RARB: variants seen among roughly 807,000 people sequenced by gnomAD.
The protein encoded by RARB is retinoic acid receptor beta, also known as HBV-activated protein.
Under a neutral mutation model 51.9 loss-of-function variants are expected in RARB, and 17 were observed. The observed-to-expected ratio is 0.33, with a 90% CI of 0.22 to 0.49. The LOEUF (loss-of-function observed/expected upper bound fraction) is 0.49. Ranked by LOEUF, RARB falls within the 20% of genes least tolerant of loss-of-function variation. The probability of loss-of-function intolerance (pLI) is 0.99; values close to 1 mark genes in which losing one functional copy is unlikely to be tolerated. For synonymous variants in RARB, 215 were observed against 195.4 expected (o/e 1.10, Z -0.84); for missense variants, 369 against 550.8 (o/e 0.67, Z 3.30).
intron 3 of RARB, among the ~76,000 whole-genome samples, chr3:25,128,520 T>G (rs1350485222): frequency 6.6e-6 from 1 of 150,574 alleles, no homozygotes; most frequent in Non-Finnish European, 1.5e-5. Flanking sequence ...TTTATCACTT[T>G]TTTTGTACTT....
chr3:24,948,578 C>T (rs1324342883), intron 2 of RARB, among the ~76,000 whole-genome samples: 1 of 152,170 alleles, frequency 6.6e-6, no homozygotes, highest in Non-Finnish European at 1.5e-5. Flanking sequence ...TTTAATGGCC[C>T]ATCCCTTCCC....
At chr3:25,082,287 T>C (rs1699022838) in intron 3 of RARB, among the ~76,000 whole-genome samples, 1 of 152,172 alleles carries the variant, frequency 6.6e-6, no homozygotes, top group Non-Finnish European at 1.5e-5. Context: ...TTATGTATAC[T>C]ATTTTGCTAT....
chr3:25,295,224 T>C lies in RARB; in HGVS notation c.178+120649T>C, dbSNP rs1703889030. On this transcript the variant is annotated intron_variant, in intron 5 of 11. Coordinates refer to the RARB transcript ENST00000383772. ...AACTGCTATGGTCAGAATATTTGTG[T>C]GCCTCAGAAATCCACATGTTGAAAT... Among the ~76,000 whole-genome samples the C allele has an allele frequency of 2.6e-5, 4 of 152,328 alleles. No individual in the cohort carries two copies. In the South Asian group the frequency reaches 8.3e-4, roughly 32 times the overall value.
chr3:24,894,501 T>C (rs1365610263), intron 2 of RARB, among the ~76,000 whole-genome samples: 3 of 152,190 alleles, frequency 2.0e-5, no homozygotes, highest in Non-Finnish European at 2.9e-5. Context: ...ATATTTTCTT[T>C]ATCTAGTCCA....
chr3:24,984,744 T>C (rs1696751061), intron 2 of RARB, among the ~76,000 whole-genome samples: 1 of 127,932 alleles, frequency 7.8e-6, no homozygotes, highest in Non-Finnish European at 1.6e-5. Flanking sequence ...ATTTTAGATG[T>C]TATATGCACA....
At chr3:24,873,523 G>C (rs1441576101) in intron 2 of RARB, among the ~76,000 whole-genome samples, 1 of 151,140 alleles carries the variant, frequency 6.6e-6, no homozygotes, top group East Asian at 1.9e-4. Context: ...TTCTTTTTTA[G>C]TCTTCTCAGG....
At chr3:25,404,758 T>C (rs1707360983) in intron 5 of RARB, among the ~76,000 whole-genome samples, 1 of 152,220 alleles carries the variant, frequency 6.6e-6, no homozygotes, top group African/African-American at 2.4e-5. Context: ...AGACTCACAT[T>C]GCAGCTACAT....
At chr3:25,481,354 A>G (rs565195446) in intron 2 of RARB, among the ~76,000 whole-genome samples, 2 of 152,228 alleles carry the variant, frequency 1.3e-5, no homozygotes, top group African/African-American at 2.4e-5. Flanking sequence ...CCTCTGCCTT[A>G]AATGCCAGGA....
chr3:24,974,489 T>C (rs1023535189), intron 2 of RARB, among the ~76,000 whole-genome samples: 1 of 152,066 alleles, frequency 6.6e-6, no homozygotes, highest in Non-Finnish European at 1.5e-5. Context: ...TCCGATGTCA[T>C]GGATGTTAAA....
At chr3:24,973,692 G>T (rs1236727611) in intron 2 of RARB, among the ~76,000 whole-genome samples, 1 of 151,686 alleles carries the variant, frequency 6.6e-6, no homozygotes, top group Non-Finnish European at 1.5e-5. Flanking sequence ...TTATTTCTAG[G>T]TATTTTATAT....
chr3:25,041,192 C>T (rs1371540724), intron 2 of RARB, among the ~76,000 whole-genome samples: 1 of 152,114 alleles, frequency 6.6e-6, no homozygotes, highest in Non-Finnish European at 1.5e-5. Flanking sequence ...TATGTTCTGG[C>T]TATTACTTAC....
At chr3:24,954,078 A>T (rs1270346763) in intron 2 of RARB, among the ~76,000 whole-genome samples, 2 of 151,280 alleles carry the variant, frequency 1.3e-5, no homozygotes, top group Admixed American at 6.6e-5. Context: ...TCTTTTTCCC[A>T]TATGTGTCTG....
intron 5 of RARB, among the ~76,000 whole-genome samples, chr3:25,251,126 T>C (rs1215440750): frequency 6.6e-6 from 1 of 152,196 alleles, no homozygotes; most frequent in Non-Finnish European, 1.5e-5. Flanking sequence ...TTCAGCCACC[T>C]TGAATATGCA....
intron 5 of RARB, among the ~76,000 whole-genome samples, chr3:25,200,190 T>C (rs182994539): frequency 7.0e-4 from 107 of 152,328 alleles, no homozygotes; most frequent in African/African-American, 2.5e-3. Flanking sequence ...ATTTCTCTGA[T>C]GGCCAGTGAT....
chr3:25,124,113 G>A (rs1437594881), intron 3 of RARB, among the ~76,000 whole-genome samples: 1 of 152,162 alleles, frequency 6.6e-6, no homozygotes, highest in Non-Finnish European at 1.5e-5. Flanking sequence ...GGTGGCTCAC[G>A]CCTGTAATCC....
chr3:25,274,731 T>C (rs1384216047), intron 5 of RARB, among the ~76,000 whole-genome samples: 1 of 152,182 alleles, frequency 6.6e-6, no homozygotes, highest in East Asian at 1.9e-4. Context: ...CATGTCCCCT[T>C]ATTCTGGGAC....
intron 5 of RARB, among the ~76,000 whole-genome samples, chr3:25,350,060 G>A (rs1374337774): frequency 6.6e-6 from 1 of 152,058 alleles, no homozygotes; most frequent in South Asian, 2.1e-4. Context: ...TTCTTACAAG[G>A]TGCCTGGCTG....
At chr3:25,061,665 C>T (rs987123113) in intron 3 of RARB, among the ~76,000 whole-genome samples, 4 of 151,598 alleles carry the variant, frequency 2.6e-5, no homozygotes, top group African/African-American at 7.3e-5. Context: ...TGGAATAATG[C>T]TAATTTATTG....
At chr3:24,908,900 C>G (rs1249496434) in intron 2 of RARB, among the ~76,000 whole-genome samples, 1 of 151,986 alleles carries the variant, frequency 6.6e-6, no homozygotes, top group Admixed American at 6.6e-5. Context: ...TTCCCACATC[C>G]TTCAGCTATC....
Sources: allele counts gnomAD v4.1 joint callset (sites outside exome capture counted in the v4.1 genomes callset), GRCh38; gene constraint gnomAD v4.1.1; transcripts MANE v1.5; gene names NCBI Gene and HGNC (gene_info 2026-07-23, HGNC 2026-07-21).